The following SNTG2 variants were observed in gnomAD, a reference collection of about 807,000 sequenced individuals.
SNTG2 encodes the protein syntrophin gamma 2, also known as gamma-2-syntrophin.
In SNTG2, 74 loss-of-function variants were observed where a neutral mutation model predicts 70.9. The ratio of observed to expected loss-of-function variants is 1.04; its 90% CI spans 0.86 to 1.27. SNTG2 has a LOEUF of 1.27. SNTG2 is among the 50% of genes most tolerant of loss of function. The pLI, the probability that SNTG2 is intolerant of heterozygous loss-of-function variation, is 0.00. For missense variants in SNTG2, 717 were observed against 690.7 expected, an observed-to-expected ratio of 1.04 and a Z score of -0.43; for synonymous variants, 278 against 273.8, an observed-to-expected ratio of 1.02 and a Z score of -0.15.
intron 1 of SNTG2, among the ~76,000 whole-genome samples, chr2:1,056,992 G>A (rs916720690): frequency 3.5e-4 from 53 of 151,024 alleles, no homozygotes; most frequent in African/African-American, 1.2e-3. Flanking sequence ...CCACCCCGTG[G>A]GGAGGGAGGA....
At position 1,221,872 on chromosome 2, in the gene SNTG2, T is replaced by TCTGTCTCTGC. The variant is rs1558551811; in HGVS notation, c.719+12644_719+12645insGTCTCTGCCT. 6.2e-4 allele frequency among the ~76,000 whole-genome samples: 2 copies of TCTGTCTCTGC among 3,204 alleles called. 1 individual carries two copies. Among genetic ancestry groups the TCTGTCTCTGC allele is most frequent in the Non-Finnish European group, 1.1e-3 (2 of 1,842 alleles). The allele number at this position is 3,204 out of a possible 152,430, so 2.1% of individuals were successfully genotyped here. On this transcript the variant is annotated intron_variant, in intron 9 of 16. Coordinates refer to ENST00000308624, the MANE Select transcript of SNTG2 (RefSeq NM_018968.4). ...GTCTCTGTCTCTGTCTCTGTCTCTC[T>TCTGTCTCTGC]CTCTCTCTGTCTCTGTCTGTGTCTC... is the stretch of plus-strand genomic sequence containing the variant.
intron 4 of SNTG2, among the ~76,000 whole-genome samples, chr2:1,125,625 G>A (rs1248886427): frequency 6.6e-6 from 1 of 152,206 alleles, no homozygotes; most frequent in Non-Finnish European, 1.5e-5. Context: ...ACTTTAGATG[G>A]ACATGCTACT....
At chr2:1,204,436 A>G (rs1673497533) in intron 8 of SNTG2, among the ~76,000 whole-genome samples, 1 of 152,252 alleles carries the variant, frequency 6.6e-6, no homozygotes, top group South Asian at 2.1e-4. Flanking sequence ...CACCAAGTGT[A>G]TGGTGATGCC....
chr2:1,214,004 G>T (rs1009500920), intron 9 of SNTG2, among the ~76,000 whole-genome samples: 5 of 152,186 alleles, frequency 3.3e-5, no homozygotes, highest in Admixed American at 3.3e-4. Context: ...ATATGGAAGA[G>T]ACTGTCATTT....
intron 16 of SNTG2, 48 bp from the exon 17 acceptor site, chr2:1,367,295 G>A (rs756756638): frequency 6.1e-6 from 9 of 1,481,700 alleles, no homozygotes; most frequent in Non-Finnish European, 8.1e-6. Flanking sequence ...TTTGTAACGT[G>A]TTCTTCCAAC....
At chr2:1,005,133 G>A (rs1470767461) in intron 1 of SNTG2, among the ~76,000 whole-genome samples, 3 of 152,182 alleles carry the variant, frequency 2.0e-5, no homozygotes, top group Admixed American at 2.0e-4. Flanking sequence ...GGAAAAGGCA[G>A]AACTCTAGAG....
At chr2:970,523 G>GT (rs1465999290) in intron 1 of SNTG2, among the ~76,000 whole-genome samples, 3 of 144,172 alleles carry the variant, frequency 2.1e-5, no homozygotes, top group South Asian at 2.3e-4. Flanking sequence ...GCGGTGTTTG[G>GT]TTTTTTGTTC....
chr2:1,058,373 A>G (rs191637938), intron 1 of SNTG2, among the ~76,000 whole-genome samples: 7 of 152,352 alleles, frequency 4.6e-5, no homozygotes, highest in Admixed American at 2.0e-4. Flanking sequence ...GTAGTGTTAA[A>G]TGAATAAAGG....
intron 4 of SNTG2, among the ~76,000 whole-genome samples, chr2:1,119,956 T>C (rs905552676): frequency 3.3e-5 from 5 of 152,120 alleles, no homozygotes; most frequent in African/African-American, 1.2e-4. Flanking sequence ...CTATCAATGA[T>C]CACCTTGAAT....
intron 16 of SNTG2, among the ~76,000 whole-genome samples, chr2:1,327,104 G>A (rs1681794384): frequency 6.6e-6 from 1 of 151,894 alleles, no homozygotes; most frequent in African/African-American, 2.4e-5. Context: ...TTTGTTGCTG[G>A]AAATTAGTTA....
At position 992,631 on chromosome 2, in the gene SNTG2, T is replaced by C. The variant is rs190771531; in HGVS notation, c.72+41563T>C. On this transcript the variant is annotated intron_variant, in intron 1 of 16. Coordinates refer to ENST00000308624, the MANE Select transcript of SNTG2 (RefSeq NM_018968.4). Reference sequence around the variant, plus strand: ...ATCTTCCCAATTTACAAGAGTGAGATTAGGACCAGGAATTTGCTCCCCTTC... The same window carrying C: ...ATCTTCCCAATTTACAAGAGTGAGACTAGGACCAGGAATTTGCTCCCCTTC... Among the ~76,000 whole-genome samples, 518 of 152,320 alleles carry C rather than the reference T, an allele frequency of 3.4e-3. 4 individuals carry two copies. Among genetic ancestry groups the C allele is most frequent in the African/African-American group, 0.011 (454 of 41,576 alleles).
At chr2:1,319,714 A>C (rs1018492628) in intron 16 of SNTG2, among the ~76,000 whole-genome samples, 1 of 152,238 alleles carries the variant, frequency 6.6e-6, no homozygotes, top group Non-Finnish European at 1.5e-5. Flanking sequence ...AGTAGGAAAC[A>C]CATATGTGGA....
At chr2:1,348,876 G>T (rs1573013374) in intron 16 of SNTG2, among the ~76,000 whole-genome samples, 1 of 152,124 alleles carries the variant, frequency 6.6e-6, no homozygotes, top group Non-Finnish European at 1.5e-5. Context: ...TTCTTACCTG[G>T]TGTATTTCTA....
intron 14 of SNTG2, among the ~76,000 whole-genome samples, chr2:1,293,692 A>G (rs981029869): frequency 2.6e-5 from 4 of 151,550 alleles, no homozygotes; most frequent in Admixed American, 6.6e-5. Flanking sequence ...TTACATTCCA[A>G]TAAGTTCAAA....
chr2:1,364,737 C>CAAAA (rs371977526), intron 16 of SNTG2, among the ~76,000 whole-genome samples: 17 of 132,000 alleles, frequency 1.3e-4, no homozygotes, highest in African/African-American at 4.0e-4. Flanking sequence ...CTAAAAATAC[C>CAAAA]AAAAAAAAAA....
chr2:1,176,953 C>T lies in SNTG2; in HGVS notation c.591+3770C>T, dbSNP rs376892529. 9.9e-5 allele frequency among the ~76,000 whole-genome samples: 15 copies of T among 152,214 alleles called. No homozygotes were observed. The East Asian group carries it at 1.4e-3, about 14-fold the overall frequency. On this transcript the variant is annotated intron_variant, in intron 8 of 16. Coordinates refer to ENST00000308624, the MANE Select transcript of SNTG2 (RefSeq NM_018968.4). ...CTCAAAGGTCTAGAACCAGAAATAC[C>T]ATTTGACTTAGCAATCCTATTACTG...
At chr2:1,251,101 A>C (rs1677728430) in intron 12 of SNTG2, among the ~76,000 whole-genome samples, 1 of 152,206 alleles carries the variant, frequency 6.6e-6, no homozygotes. Context: ...CGAGGACCCG[A>C]ATGAGCCTAG....
intron 1 of SNTG2, among the ~76,000 whole-genome samples, chr2:1,044,050 C>CT (rs796513564): frequency 6.6e-6 from 1 of 152,000 alleles, no homozygotes; most frequent in Non-Finnish European, 1.5e-5. Context: ...AGTGTGGAAT[C>CT]TTTTTTATTT....
At chr2:1,022,533 T>G (rs1417435609) in intron 1 of SNTG2, among the ~76,000 whole-genome samples, 1 of 152,050 alleles carries the variant, frequency 6.6e-6, no homozygotes, top group East Asian at 1.9e-4. Flanking sequence ...GTCCTTGCAT[T>G]CCCGTCAGTC....
Sources: gnomAD v4.1 joint callset for allele counts (sites outside exome capture counted in the v4.1 genomes callset) on GRCh38, gnomAD v4.1.1 for gene constraint, MANE v1.5 for transcripts, NCBI Gene and HGNC (gene_info 2026-07-23, HGNC 2026-07-21) for gene names.